The following KCNQ5 variants were observed in gnomAD, a reference collection of about 807,000 sequenced individuals.
The protein encoded by KCNQ5 is potassium voltage-gated channel subfamily Q member 5, also known as potassium voltage-gated channel subfamily KQT member 5.
Under a neutral mutation model 98.2 loss-of-function variants are expected in KCNQ5, and 30 were observed. The observed-to-expected ratio is 0.31, with a 90% CI of 0.23 to 0.41. KCNQ5 has a LOEUF of 0.41. KCNQ5 is among the 10% of genes least tolerant of loss of function. The pLI, the probability that KCNQ5 is intolerant of heterozygous loss-of-function variation, is 1.00. For synonymous variants in KCNQ5, 458 were observed against 449.4 expected, an observed-to-expected ratio of 1.02 and a Z score of -0.24; for missense variants, 835 against 1,182.5, an observed-to-expected ratio of 0.71 and a Z score of 4.31.
In KCNQ5 at chr6:73,059,398, G is replaced by A. The variant is rs185045878; in HGVS notation, c.616+17336G>A. ...TCACAAACAAGAGAACAACAGACGC[G>A]TAAGCCTACTTGAGGATGGAAAGTG... On this transcript the variant is annotated intron_variant, in intron 3 of 13. Transcript: ENST00000370398. 3.2e-4 allele frequency among the ~76,000 whole-genome samples: 49 copies of A among 152,178 alleles called. 1 individual carries two copies. Among genetic ancestry groups the A allele is most frequent in the Admixed American group, 2.2e-3 (34 of 15,292 alleles).
chr6:72,966,284 T>A (rs371371173), intron 1 of KCNQ5, among the ~76,000 whole-genome samples: 7 of 152,090 alleles, frequency 4.6e-5, no homozygotes, highest in African/African-American at 1.7e-4. Context: ...GCAGGCTAGG[T>A]GTGGTGGCTC....
chr6:72,761,581 G>T (rs1772279889), intron 1 of KCNQ5, among the ~76,000 whole-genome samples: 1 of 150,834 alleles, frequency 6.6e-6, no homozygotes, highest in Non-Finnish European at 1.5e-5. Context: ...TAAACATAAA[G>T]GTTTATAAAG....
At position 73,196,755 on chromosome 6, in the gene KCNQ5, A is replaced by G. The variant is rs141583222; in HGVS notation, c.*1341A>G. The stretch of plus-strand genomic sequence containing the variant: ...ATATAAACATTTACAATTAGAAGCT[A>G]GATAGTACTGGCAGAGTCTGCAAAT... On this transcript the variant is annotated 3_prime_UTR_variant, in exon 14 of 14. Transcript: ENST00000370398. 2.9e-4 allele frequency: 44 copies of G among 152,296 alleles called. 1 individual carries two copies. The East Asian group carries it at 8.5e-3, about 29-fold the overall frequency. 9.4% of individuals were successfully genotyped at this position (152,296 alleles called of 1,614,324 possible).
chr6:72,733,108 A>ATCCT (rs1478306219), intron 1 of KCNQ5, among the ~76,000 whole-genome samples: 1 of 152,202 alleles, frequency 6.6e-6, no homozygotes, highest in Non-Finnish European at 1.5e-5. Context: ...GAACTTAGGA[A>ATCCT]AAGAACTGGG....
In KCNQ5 at chr6:72,821,980, T is replaced by C. The variant is rs112243029; in HGVS notation, c.399-181928T>C. 6.0e-3 allele frequency among the ~76,000 whole-genome samples: 918 copies of C among 152,270 alleles called. 12 individuals are homozygous for C. Among genetic ancestry groups the C allele is most frequent in the African/African-American group, 0.021 (878 of 41,552 alleles). On this transcript the variant is annotated intron_variant, in intron 1 of 13. Transcript: ENST00000370398. ...ACAGCCCCTGAACGGCCCTATCTTA[T>C]CCTTCGTGCATCCTCTCTGTGACTC...
At chr6:72,784,812 G>A (rs1197977798) in intron 1 of KCNQ5, among the ~76,000 whole-genome samples, 1 of 152,218 alleles carries the variant, frequency 6.6e-6, no homozygotes, top group Admixed American at 6.5e-5. Flanking sequence ...TAATCCTTAT[G>A]TGCAGGAGAG....
chr6:72,926,281 G>T (rs910695725), intron 1 of KCNQ5, among the ~76,000 whole-genome samples: 1 of 152,160 alleles, frequency 6.6e-6, no homozygotes, highest in African/African-American at 2.4e-5. Flanking sequence ...TATTACTGCT[G>T]CAAGGAATCA....
At chr6:72,707,086 A>G (rs1169692111) in intron 1 of KCNQ5, among the ~76,000 whole-genome samples, 2 of 152,326 alleles carry the variant, frequency 1.3e-5, no homozygotes, top group South Asian at 2.1e-4. Flanking sequence ...AGGCATGTGC[A>G]CCAGCCAAGG....
intron 3 of KCNQ5, among the ~76,000 whole-genome samples, chr6:73,062,792 G>A (rs1772840950): frequency 6.6e-6 from 1 of 152,130 alleles, no homozygotes; most frequent in African/African-American, 2.4e-5. Context: ...CAGGAGGCTT[G>A]TCTACTCCCA....
At chr6:72,809,006 G>A (rs1371347218) in intron 1 of KCNQ5, among the ~76,000 whole-genome samples, 1 of 151,296 alleles carries the variant, frequency 6.6e-6, no homozygotes. Flanking sequence ...GTCCAACAAC[G>A]ATAGACTGGA....
At chr6:72,662,341 A>G (rs1282649931) in intron 1 of KCNQ5, among the ~76,000 whole-genome samples, 2 of 152,158 alleles carry the variant, frequency 1.3e-5, no homozygotes. Context: ...AAAATTTTGT[A>G]CTTTCCTTGT....
intron 1 of KCNQ5, among the ~76,000 whole-genome samples, chr6:72,936,209 T>G (rs1209800670): frequency 6.6e-6 from 1 of 152,238 alleles, no homozygotes; most frequent in Non-Finnish European, 1.5e-5. Context: ...AATAATTTCC[T>G]TAATCATCTC....
intron 1 of KCNQ5, among the ~76,000 whole-genome samples, chr6:72,889,497 A>G (rs1778977357): frequency 6.6e-6 from 1 of 152,150 alleles, no homozygotes; most frequent in African/African-American, 2.4e-5. Context: ...TGATTATTGA[A>G]GGTATAAAAT....
chr6:73,055,341 G>T (rs1409266816), intron 3 of KCNQ5: 25 of 1,437,038 alleles, frequency 1.7e-5, no homozygotes, highest in Middle Eastern at 2.3e-4. Flanking sequence ...GTGAGGACTT[G>T]GCGCCTCAAT....
chr6:72,987,498 A>C, intron 1 of KCNQ5: 1 of 663,600 alleles, frequency 1.5e-6, no homozygotes, highest in Admixed American at 1.8e-5. Context: ...TGGTGGCTTC[A>C]AAAACCTGTC....
intron 10 of KCNQ5, among the ~76,000 whole-genome samples, chr6:73,149,458 C>T (rs1777055721): frequency 6.6e-6 from 1 of 152,122 alleles, no homozygotes; most frequent in Admixed American, 6.5e-5. Flanking sequence ...ATCCAGAACT[C>T]AGCAGAATGT....
intron 1 of KCNQ5, among the ~76,000 whole-genome samples, chr6:72,898,823 T>C (rs559157787): frequency 8.5e-4 from 129 of 152,286 alleles, no homozygotes; most frequent in African/African-American, 3.0e-3. Context: ...TCTCCACAGC[T>C]TCTCCAGCAT....
chr6:72,873,840 C>T (rs752857718), intron 1 of KCNQ5, among the ~76,000 whole-genome samples: 5 of 151,836 alleles, frequency 3.3e-5, no homozygotes, highest in African/African-American at 1.2e-4. Flanking sequence ...TTTTAAAATT[C>T]TTCTCTTATG....
At position 72,622,413 on chromosome 6, in the gene KCNQ5, T is replaced by C. The variant is rs754289629; in HGVS notation, c.224T>C (p.Leu75Pro). 3 of 1,525,976 alleles carry C rather than the reference T, an allele frequency of 2.0e-6. No homozygotes were observed. Among genetic ancestry groups the C allele is most frequent in the Non-Finnish European group, 2.6e-6 (3 of 1,136,352 alleles). 94.5% of individuals were successfully genotyped at this position (1,525,976 alleles called of 1,614,324 possible). A position where few individuals can be genotyped will look rare whatever the true frequency, so the allele number is the denominator to read the frequency against. ...ACGCTCGGTGGCGGCGGCGGTGGCC[T>C]GAGGGAGAGCCGCCGGGGCAAGCAG... Reference protein sequence around the residue: ...AATLGGGGGGLRESRRGKQGA... With the variant: ...AATLGGGGGGPRESRRGKQGA... The change falls in exon 1 of 14, where the codon CTG becomes CCG. Residue 75 changes from leucine to proline, a missense_variant. Leu to Pro is a moderately conservative substitution (Grantham distance 98, BLOSUM62 -3). This residue lies in a region of KCNQ5 where 54 missense variants were observed against 51.5 expected (regional missense o/e 1.05). Coordinates refer to ENST00000370398, the MANE Select transcript of KCNQ5 (RefSeq NM_019842.4). This position sits in a 1 kb window ranked among gnomAD's most constrained non-coding sequence, Gnocchi z 6.0.
Sources: allele counts gnomAD v4.1 joint callset (sites outside exome capture counted in the v4.1 genomes callset), GRCh38; gene constraint gnomAD v4.1.1; regional missense constraint gnomAD v4.1.1; non-coding constraint Gnocchi (gnomAD v3.1); transcripts MANE v1.5; gene names NCBI Gene and HGNC (gene_info 2026-07-23, HGNC 2026-07-21).